FBXL13: variants seen among roughly 807,000 people sequenced by gnomAD.
FBXL13 encodes F-box and leucine rich repeat protein 13, also known as F-box and leucine-rich repeat protein 13.
Under a neutral mutation model 83.6 loss-of-function variants are expected in FBXL13, and 67 were observed. That is an observed-to-expected ratio of 0.80 (90% CI 0.66 to 0.98). The LOEUF (loss-of-function observed/expected upper bound fraction) is 0.98, where lower values mean the gene tolerates loss of function less well. FBXL13 is among the 50% of genes least tolerant of loss of function. FBXL13 has a pLI of 0.00. For synonymous variants in FBXL13, 272 were observed against 299.5 expected (o/e 0.91, Z 0.95); for missense variants, 822 against 866.5 (o/e 0.95, Z 0.64).
rs776220490 is a variant in FBXL13, at chr7:102,835,603, G to GTTTTTT, written c.1720-2635_1720-2630dup. ...ATGTTGCAAGAAGTAAGGTGACATTGTTTTTTTTTTTTTTTTTTTTTTTTG... is the reference window on the plus strand; with the variant it reads ...ATGTTGCAAGAAGTAAGGTGACATTGTTTTTTTTTTTTTTTTTTTTTTTTTTTTTTG... On this transcript the variant is annotated intron_variant, in intron 17 of 19. Transcript: ENST00000313221. 6.2e-4 allele frequency among the ~76,000 whole-genome samples: 60 copies of GTTTTTT among 97,504 alleles called. 2 individuals carry two copies. Among genetic ancestry groups the GTTTTTT allele is most frequent in the East Asian group, 7.9e-4 (2 of 2,534 alleles). The allele number at this position is 97,504 out of a possible 152,430, so 64.0% of individuals were successfully genotyped here.
intron 8 of FBXL13, among the ~76,000 whole-genome samples, chr7:102,940,091 A>T (rs1236838122): frequency 2.0e-5 from 3 of 151,774 alleles, no homozygotes; most frequent in Admixed American, 2.0e-4. Context: ...ATGGGGTTTC[A>T]TCATGTTGGT....
intron 6 of FBXL13, among the ~76,000 whole-genome samples, chr7:102,989,682 T>A (rs746825465): frequency 3.3e-5 from 5 of 152,232 alleles, no homozygotes; most frequent in Non-Finnish European, 7.3e-5. Context: ...GATGAAAGAA[T>A]GAAGTAGTAT....
intron 6 of FBXL13, among the ~76,000 whole-genome samples, chr7:103,021,822 G>A (rs1177400598): frequency 1.3e-5 from 2 of 152,122 alleles, no homozygotes; most frequent in Admixed American, 6.5e-5. Flanking sequence ...TCATTAAAAA[G>A]TCAGGACACA....
chr7:102,998,751 G>C lies in FBXL13; in HGVS notation c.495+26312C>G, dbSNP rs559539541. On this transcript the variant is annotated intron_variant, in intron 6 of 19. Transcript: ENST00000313221. The stretch of plus-strand genomic sequence containing the variant: ...GGAGGCTGAGGCAGGAGGATTGTTT[G>C]AGCCCAGGAATTCGAGACTAGCCTG... 4.6e-5 allele frequency among the ~76,000 whole-genome samples: 7 copies of C among 152,060 alleles called. No individual in the cohort carries two copies. The East Asian group carries it at 1.2e-3, about 25-fold the overall frequency.
intron 11 of FBXL13, among the ~76,000 whole-genome samples, chr7:102,898,529 A>G (rs182534392): frequency 4.1e-4 from 62 of 152,178 alleles, no homozygotes; most frequent in Non-Finnish European, 5.9e-4. Context: ...CCTGGGTCTC[A>G]ATCCTCCCAC....
chr7:102,876,218 T>C (rs771704396), intron 16 of FBXL13, among the ~76,000 whole-genome samples: 41 of 152,104 alleles, frequency 2.7e-4, no homozygotes, highest in Admixed American at 5.9e-4. Flanking sequence ...CCTGAAGACT[T>C]GAAGGGGCCT....
chr7:102,915,126 T>A (rs1046818723), intron 10 of FBXL13, among the ~76,000 whole-genome samples: 27 of 148,394 alleles, frequency 1.8e-4, no homozygotes, highest in African/African-American at 6.4e-4. Context: ...TAAAATATTT[T>A]TTTTTTTTTT....
intron 10 of FBXL13, among the ~76,000 whole-genome samples, chr7:102,922,544 G>A (rs888114222): frequency 6.6e-6 from 1 of 151,956 alleles, no homozygotes; most frequent in African/African-American, 2.4e-5. Flanking sequence ...TGTGTAGCAC[G>A]CAACTTACAA....
At chr7:102,864,536 T>G (rs1207432266) in intron 16 of FBXL13, among the ~76,000 whole-genome samples, 1 of 152,068 alleles carries the variant, frequency 6.6e-6, no homozygotes, top group African/African-American at 2.4e-5. Flanking sequence ...GCCCAGCTAA[T>G]TTTTGTATTT....
In FBXL13 at chr7:102,867,695, A is replaced by ATTTT. The variant is rs1205859622; in HGVS notation, c.1635+9768_1635+9771dup. On this transcript the variant is annotated intron_variant, in intron 16 of 19. Transcript: ENST00000313221. ...TATATATATATATATATATATATAT[A>ATTTT]TTTTTTTTTTTTTTTTTTTTTTTTT... Among the ~76,000 whole-genome samples the ATTTT allele has an allele frequency of 2.3e-3, 111 of 49,080 alleles. 8 individuals carry two copies. Among genetic ancestry groups the ATTTT allele is most frequent in the African/African-American group, 9.3e-3 (76 of 8,164 alleles). The allele number at this position is 49,080 out of a possible 152,430, so 32.2% of individuals were successfully genotyped here.
chr7:102,974,250 C>T (rs1827161153), intron 6 of FBXL13, among the ~76,000 whole-genome samples: 1 of 152,050 alleles, frequency 6.6e-6, no homozygotes, highest in South Asian at 2.1e-4. Context: ...ATTAGCCGGG[C>T]ATGGTGGCAG....
At chr7:102,944,286 A>G (rs1822042359) in intron 8 of FBXL13, 1 of 1,613,918 alleles carries the variant, frequency 6.2e-7, no homozygotes, top group Non-Finnish European at 8.5e-7. Context: ...ACTATGGCGT[A>G]TTAGAAGACT....
chr7:102,910,409 G>A (rs750016028), intron 11 of FBXL13, among the ~76,000 whole-genome samples: 1 of 151,618 alleles, frequency 6.6e-6, no homozygotes, highest in Non-Finnish European at 1.5e-5. Flanking sequence ...TTGTGTGTTG[G>A]GGGGAGGGGG....
At chr7:102,823,104 G>T (rs547666276) in intron 18 of FBXL13, among the ~76,000 whole-genome samples, 89 of 152,122 alleles carry the variant, frequency 5.9e-4, no homozygotes, top group Admixed American at 1.3e-3. Context: ...TTGTGATTTT[G>T]CTGTTATTTT....
At chr7:102,963,502 C>G (rs568366764) in intron 8 of FBXL13, 31 bp downstream of exon 9, 3 of 1,599,744 alleles carry the variant, frequency 1.9e-6, no homozygotes, top group African/African-American at 2.7e-5. Flanking sequence ...TACAGGAAAG[C>G]AAGACAAATA....
chr7:102,905,557 A>T (rs551538177), intron 11 of FBXL13, among the ~76,000 whole-genome samples: 16 of 152,090 alleles, frequency 1.1e-4, no homozygotes, highest in Admixed American at 2.6e-4. Flanking sequence ...TTGTTTTTTC[A>T]TCCATTCAGC....
intron 18 of FBXL13, chr7:102,827,049 C>A (rs941566551): frequency 4.8e-6 from 2 of 415,068 alleles, no homozygotes; most frequent in Non-Finnish European, 1.0e-5. Context: ...TGTTTCCTCA[C>A]CTCTTGAATC....
chr7:102,896,727 C>T (rs1288350526), intron 11 of FBXL13, among the ~76,000 whole-genome samples: 1 of 152,164 alleles, frequency 6.6e-6, no homozygotes, highest in African/African-American at 2.4e-5. Flanking sequence ...TCCAAATTTC[C>T]TTCTTGCAAA....
intron 6 of FBXL13, among the ~76,000 whole-genome samples, chr7:102,999,886 A>C (rs1022628109): frequency 3.3e-5 from 5 of 151,892 alleles, no homozygotes; most frequent in African/African-American, 1.2e-4. Flanking sequence ...TTCAGTCTTA[A>C]TTTATTTCTG....
Sources: gnomAD v4.1 joint callset for allele counts (sites outside exome capture counted in the v4.1 genomes callset) on GRCh38, gnomAD v4.1.1 for gene constraint, MANE v1.5 for transcripts, NCBI Gene and HGNC (gene_info 2026-07-23, HGNC 2026-07-21) for gene names.